The following VPS8 variants were observed in gnomAD, a reference collection of about 807,000 sequenced individuals.
VPS8 encodes VPS8 subunit of CORVET complex, also known as vacuolar protein sorting-associated protein 8 homolog.
Under a neutral mutation model 216.4 loss-of-function variants are expected in VPS8, and 129 were observed. That is an observed-to-expected ratio of 0.60 (90% confidence interval 0.52 to 0.69). The LOEUF (loss-of-function observed/expected upper bound fraction) is 0.69, where lower values mean the gene tolerates loss of function less well. Ranked by LOEUF, VPS8 falls within the 30% of genes least tolerant of loss-of-function variation. The pLI is 0.00. For missense variants in VPS8, 1,531 were observed against 1,683.5 expected, an observed-to-expected ratio of 0.91 and a Z score of 1.59; for synonymous variants, 571 against 565.4, an observed-to-expected ratio of 1.01 and a Z score of -0.14.
In VPS8 at chr3:184,862,907, C is replaced by T; in HGVS notation, c.1235C>T (p.Ser412Leu). Residue 412 changes from serine (S) to leucine (L), a missense_variant, in exon 16 of 48, where the codon TCA becomes TTA. Ser to Leu is a moderately radical substitution (Grantham distance 145). Coordinates refer to ENST00000625842, the MANE Select transcript of VPS8 (RefSeq NM_001009921.3). ...GTGCTTGAATTACAGTGGATAAATT[C>T]ACGCACAGTTGTGCTCTTAGACAGC... ...YDLINFTWINSRTVVLLDSVE... is the reference protein window; with the variant it reads ...YDLINFTWINLRTVVLLDSVE... 1 of 1,611,666 alleles carries T rather than the reference C, an allele frequency of 6.2e-7. No individual in the cohort carries two copies. The highest frequency in any genetic ancestry group is 8.5e-7 in the Non-Finnish European group (1 of 1,178,624).
intron 12 of VPS8, 30 bp from the exon 13 acceptor site, chr3:184,854,084 C>T (rs1256882881): frequency 2.5e-6 from 4 of 1,613,110 alleles, no homozygotes; most frequent in Non-Finnish European, 3.4e-6. Flanking sequence ...ATTCCAAGGT[C>T]AATATTGAAA....
chr3:184,915,799 ACT>A (rs1383302048), intron 28 of VPS8, among the ~76,000 whole-genome samples: 3 of 151,982 alleles, frequency 2.0e-5, no homozygotes, highest in Non-Finnish European at 4.4e-5. Flanking sequence ...ACAGAGAGAG[ACT>A]CTGTCTCAAA....
chr3:185,031,063 GTTTTTTTTTTTTTTT>G (rs765510619), intron 46 of VPS8, among the ~76,000 whole-genome samples: 5 of 64,346 alleles, frequency 7.8e-5, no homozygotes, highest in South Asian at 1.2e-3. Flanking sequence ...ACAGGTTGGC[GTTTTTTTTTTTTTTT>G]TTTTTTTTTT....
chr3:184,814,028 G>T (rs938244695), intron 1 of VPS8, among the ~76,000 whole-genome samples: 2 of 152,198 alleles, frequency 1.3e-5, no homozygotes, highest in East Asian at 3.8e-4. Context: ...CACGCTGTAT[G>T]ACATTATTAA....
rs556152418 is a variant in VPS8 at position 184,865,654 on chromosome 3, G to C, written c.1396-1222G>C. Among the ~76,000 whole-genome samples the C allele has an allele frequency of 3.3e-5, 5 of 152,296 alleles. No homozygotes were observed. In the East Asian group the frequency reaches 9.7e-4, roughly 29 times the overall value. ...ACATTGATGGTGGGAAACTAAAATG[G>C]CGCAAATGCTGTGGAAGATAGTTTG... On this transcript the variant is annotated intron_variant, in intron 16 of 47. Coordinates refer to ENST00000625842, the MANE Select transcript of VPS8 (RefSeq NM_001009921.3).
chr3:184,832,603 G>T, intron 3 of VPS8, 86 bp from the exon 4 acceptor site: 1 of 1,222,164 alleles, frequency 8.2e-7, no homozygotes, highest in Non-Finnish European at 1.1e-6. Context: ...AAGCACTTGT[G>T]TGCTCTGGAG....
At chr3:184,909,526 A>T (rs969953408) in intron 25 of VPS8, among the ~76,000 whole-genome samples, 3 of 151,964 alleles carry the variant, frequency 2.0e-5, no homozygotes, top group Non-Finnish European at 1.5e-5. Context: ...TAACTCCTTC[A>T]TGTCAATTCA....
chr3:184,855,100 G>A lies in VPS8; in HGVS notation c.1036-611G>A, dbSNP rs188707466. 1.5e-3 allele frequency among the ~76,000 whole-genome samples: 233 copies of A among 152,136 alleles called. 1 individual carries two copies. The highest frequency in any genetic ancestry group is 4.0e-3 in the East Asian group (21 of 5,186). ...AACATTTGTTAGATTAGCTTCATTGGCGAATTGAGATTTTTTTCATGGTGT... is the reference window on the plus strand; with the variant it reads ...AACATTTGTTAGATTAGCTTCATTGACGAATTGAGATTTTTTTCATGGTGT... On this transcript the variant is annotated intron_variant, in intron 13 of 47. Transcript: ENST00000625842.
At position 185,051,972 on chromosome 3, in the gene VPS8, C is replaced by T. The variant is rs1275077815; in HGVS notation, c.4234C>T (p.Gln1412Ter). The T allele has an allele frequency of 6.2e-7, 1 of 1,612,814 alleles. No homozygotes were observed. The highest frequency in any genetic ancestry group is 8.5e-7 in the Non-Finnish European group (1 of 1,179,106). ...QSAPAFNSIF[Q>*]NENFQLQLIP... Reference sequence around the variant, plus strand: ...TGCTCCTGCTTTCAACAGCATCTTCCAGAATGAGAACTTCCAGCTGCAGCT... The same window carrying T: ...TGCTCCTGCTTTCAACAGCATCTTCTAGAATGAGAACTTCCAGCTGCAGCT... Residue 1412 changes from glutamine to a stop codon, truncating the protein, a stop_gained, in exon 48 of 48, where the codon CAG becomes TAG. Coordinates refer to ENST00000625842, the MANE Select transcript of VPS8 (RefSeq NM_001009921.3). LOFTEE classifies it high-confidence loss of function.
chr3:184,855,034 G>T (rs1484117163), intron 13 of VPS8, among the ~76,000 whole-genome samples: 1 of 152,082 alleles, frequency 6.6e-6, no homozygotes, highest in Non-Finnish European at 1.5e-5. Context: ...GGGGAAGCAG[G>T]TCTATCCTTT....
intron 46 of VPS8, among the ~76,000 whole-genome samples, chr3:185,047,882 A>G (rs1447429479): frequency 6.6e-6 from 1 of 152,138 alleles, no homozygotes; most frequent in Non-Finnish European, 1.5e-5. Flanking sequence ...CTCTCTGCAT[A>G]TGAGCTGGAT....
chr3:185,050,294 G>A (rs1713921086), intron 47 of VPS8, among the ~76,000 whole-genome samples: 1 of 152,092 alleles, frequency 6.6e-6, no homozygotes, highest in Non-Finnish European at 1.5e-5. Flanking sequence ...GAAGGAAGTG[G>A]CACGAAGTGG....
Position 185,043,198 on chromosome 3 carries a change from G to A in VPS8, c.4057-5281G>A, listed in dbSNP as rs1014184442. ...ACTAACATGTCATAGTGGGCTTTAG[G>A]GTTAGACCTGTTATCAAGAGTTACC... is the stretch of plus-strand genomic sequence containing the variant. On this transcript the variant is annotated intron_variant, in intron 46 of 47. Coordinates refer to ENST00000625842, the MANE Select transcript of VPS8 (RefSeq NM_001009921.3). 8.5e-5 allele frequency among the ~76,000 whole-genome samples: 13 copies of A among 152,082 alleles called. No homozygotes were observed. In the East Asian group the frequency reaches 2.5e-3, roughly 29 times the overall value.
At chr3:184,823,167 AT>A (rs1248474885) in intron 1 of VPS8, among the ~76,000 whole-genome samples, 1 of 152,212 alleles carries the variant, frequency 6.6e-6, no homozygotes, top group Non-Finnish European at 1.5e-5. Context: ...TTGTCAGTGA[AT>A]TTTTAGCATA....
chr3:184,818,982 A>G (rs1477139506), intron 1 of VPS8, among the ~76,000 whole-genome samples: 1 of 152,170 alleles, frequency 6.6e-6, no homozygotes, highest in Non-Finnish European at 1.5e-5. Flanking sequence ...AACCTGGGCG[A>G]CATAGCAAGA....
intron 5 of VPS8, among the ~76,000 whole-genome samples, chr3:184,835,804 G>A (rs1156666647): frequency 6.6e-6 from 1 of 151,110 alleles, no homozygotes; most frequent in Non-Finnish European, 1.5e-5. Flanking sequence ...CCACCTCCCG[G>A]ATTCATGTCA....
At chr3:184,912,510 C>T (rs954583954) in intron 25 of VPS8, among the ~76,000 whole-genome samples, 69 of 151,912 alleles carry the variant, frequency 4.5e-4, no homozygotes, top group African/African-American at 1.6e-3. Context: ...GACTCAATTC[C>T]GAAGCTTAAC....
At chr3:184,964,243 AAAAT>A (rs1747013861) in intron 37 of VPS8, among the ~76,000 whole-genome samples, 1 of 152,002 alleles carries the variant, frequency 6.6e-6, no homozygotes, top group South Asian at 2.1e-4. Context: ...ACATTTTTTT[AAAAT>A]AAATAAATGA....
intron 17 of VPS8, 85 bp from the exon 18 acceptor site, chr3:184,867,939 A>G (rs559173375): frequency 7.1e-7 from 1 of 1,399,934 alleles, no homozygotes; most frequent in African/African-American, 1.4e-5. Context: ...GGGATATCAA[A>G]TGAGATGTGG....
Sources: gnomAD v4.1 joint callset for allele counts (sites outside exome capture counted in the v4.1 genomes callset) on GRCh38, gnomAD v4.1.1 for gene constraint, MANE v1.5 for transcripts, NCBI Gene and HGNC (gene_info 2026-07-23, HGNC 2026-07-21) for gene names.